The following SPON1 variants were observed in gnomAD, a reference collection of about 807,000 sequenced individuals.
SPON1 encodes the protein spondin-1.
Under a neutral mutation model 111.7 loss-of-function variants are expected in SPON1, and 52 were observed. The observed-to-expected ratio is 0.47, with a 90% confidence interval of 0.37 to 0.59. The LOEUF is 0.59. Among genes scored for constraint, SPON1 ranks in the 20% least tolerant of loss-of-function variants. The pLI is 0.00. For missense variants in SPON1, 957 were observed against 1,068.5 expected (o/e 0.90, Z 1.46); for synonymous variants, 410 against 395.8 (o/e 1.04, Z -0.43).
chr11:14,169,198 C>A (rs1445528852), intron 6 of SPON1, among the ~76,000 whole-genome samples: 2 of 152,218 alleles, frequency 1.3e-5, no homozygotes, highest in Non-Finnish European at 2.9e-5. Context: ...GCCATTCTAA[C>A]TGGTGTGAGA....
chr11:13,991,069 A>G (rs1049239893), intron 2 of SPON1, among the ~76,000 whole-genome samples: 1 of 152,100 alleles, frequency 6.6e-6, no homozygotes, highest in Non-Finnish European at 1.5e-5. Context: ...GCTCTTCTCG[A>G]GGAGTATCTT....
At chr11:14,000,367 C>T (rs1015792543) in intron 2 of SPON1, among the ~76,000 whole-genome samples, 1 of 152,236 alleles carries the variant, frequency 6.6e-6, no homozygotes, top group African/African-American at 2.4e-5. Context: ...ATTTGCCTTC[C>T]TTTATTTTAT....
intron 6 of SPON1, among the ~76,000 whole-genome samples, chr11:14,195,650 G>A (rs1848392655): frequency 1.3e-5 from 2 of 152,164 alleles, no homozygotes; most frequent in South Asian, 2.1e-4. Context: ...GTTTTAGTGG[G>A]CAGTGAACTC....
At chr11:14,052,364 G>A (rs782642296) in intron 3 of SPON1, among the ~76,000 whole-genome samples, 10 of 152,218 alleles carry the variant, frequency 6.6e-5, no homozygotes, top group Non-Finnish European at 1.0e-4. Context: ...GTGTGATTTA[G>A]AGGAAAATGG....
chr11:14,128,738 CTCTGCCCCTGCAGCAGGCT>C (rs782142926), intron 5 of SPON1, among the ~76,000 whole-genome samples: 21 of 152,260 alleles, frequency 1.4e-4, no homozygotes, highest in Non-Finnish European at 2.4e-4. Context: ...TCCATGAGGG[CTCTGCCCCTGCAGCAGGCT>C]TCTGCCTGGA....
intron 2 of SPON1, among the ~76,000 whole-genome samples, chr11:14,004,762 G>T (rs1257688863): frequency 6.6e-6 from 1 of 152,056 alleles, no homozygotes; most frequent in Non-Finnish European, 1.5e-5. Flanking sequence ...GTGAAATGCA[G>T]TTTTTTGTTT....
chr11:14,244,389 G>A (rs907017360), intron 7 of SPON1, among the ~76,000 whole-genome samples: 1 of 151,892 alleles, frequency 6.6e-6, no homozygotes, highest in Non-Finnish European at 1.5e-5. Flanking sequence ...GTGGTGGCAC[G>A]TGTCTGTAAT....
intron 6 of SPON1, among the ~76,000 whole-genome samples, chr11:14,222,663 G>A (rs1848693370): frequency 6.6e-6 from 1 of 152,122 alleles, no homozygotes; most frequent in Admixed American, 6.6e-5. Flanking sequence ...CCATCATCAG[G>A]TCGGAAAAAT....
intron 3 of SPON1, among the ~76,000 whole-genome samples, chr11:14,072,190 A>C (rs1430927640): frequency 6.6e-6 from 1 of 152,082 alleles, no homozygotes; most frequent in East Asian, 1.9e-4. Flanking sequence ...GTAATAATGT[A>C]TATTAAGTGC....
intron 4 of SPON1, among the ~76,000 whole-genome samples, chr11:14,076,208 A>G (rs933594738): frequency 1.3e-5 from 2 of 152,260 alleles, no homozygotes; most frequent in African/African-American, 2.4e-5. Context: ...TGTTTTTAAA[A>G]GTTATTGGAT....
At position 14,060,570 on chromosome 11, in the gene SPON1, G is replaced by A. The variant is rs563205000; in HGVS notation, c.480-14775G>A. On this transcript the variant is annotated intron_variant, in intron 3 of 15. Coordinates refer to ENST00000576479, the MANE Select transcript of SPON1 (RefSeq NM_006108.4). ...GAGATAACCAGGGATTCTTGGCCCT[G>A]GCTGCATATTGGAATCACCTGAGCA... 1.8e-3 allele frequency among the ~76,000 whole-genome samples: 281 copies of A among 152,260 alleles called. 1 individual carries two copies. Among genetic ancestry groups the A allele is most frequent in the Middle Eastern group, 0.017 (5 of 294 alleles).
At chr11:14,156,598 G>A (rs1319423755) in intron 6 of SPON1, among the ~76,000 whole-genome samples, 5 of 151,826 alleles carry the variant, frequency 3.3e-5, no homozygotes, top group African/African-American at 7.3e-5. Flanking sequence ...GTATTGCCTA[G>A]GTTTTCTTCT....
At chr11:14,208,200 T>C (rs1848535578) in intron 6 of SPON1, among the ~76,000 whole-genome samples, 1 of 152,118 alleles carries the variant, frequency 6.6e-6, no homozygotes, top group African/African-American at 2.4e-5. Flanking sequence ...CTGGGGCCTA[T>C]TGGAAGGTGA....
At chr11:14,112,227 A>C (rs1849231964) in intron 5 of SPON1, among the ~76,000 whole-genome samples, 2 of 152,238 alleles carry the variant, frequency 1.3e-5, no homozygotes, top group Admixed American at 6.5e-5. Context: ...CAAACAGCGC[A>C]AAAGCACTCC....
chr11:14,243,508 C>A, intron 7 of SPON1, 112 bp downstream of exon 7: 1 of 881,276 alleles, frequency 1.1e-6, no homozygotes, highest in Non-Finnish European at 1.8e-6. Context: ...CACTACTTCT[C>A]AGTTAACAAG....
intron 6 of SPON1, among the ~76,000 whole-genome samples, chr11:14,180,154 G>C (rs1021290471): frequency 6.6e-6 from 1 of 152,174 alleles, no homozygotes; most frequent in Non-Finnish European, 1.5e-5. Flanking sequence ...TTCCCAGGAT[G>C]TGAGACTTTT....
intron 3 of SPON1, 54 bp from the exon 4 acceptor site, chr11:14,075,291 A>G: frequency 7.0e-7 from 1 of 1,423,828 alleles, no homozygotes; most frequent in South Asian, 1.2e-5. Flanking sequence ...CTGATCTCCC[A>G]AACCTGCCTT....
chr11:14,159,272 C>T (rs1427358008), intron 6 of SPON1, among the ~76,000 whole-genome samples: 3 of 151,828 alleles, frequency 2.0e-5, no homozygotes, highest in Non-Finnish European at 2.9e-5. Context: ...AAAGAAATTA[C>T]GGGAAAGGTG....
At position 14,050,815 on chromosome 11, in the gene SPON1, T is replaced by C. The variant is rs782813467; in HGVS notation, c.479+9161T>C. Among the ~76,000 whole-genome samples, 26 of 152,330 alleles carry C rather than the reference T, an allele frequency of 1.7e-4. No individual in the cohort carries two copies. In the Middle Eastern group the frequency reaches 0.01, roughly 60 times the overall value. ...GGTAAACCGGGGAAGCCACTATCCA[T>C]TGGCCTCCATCCTTCACTAATCAAA... On this transcript the variant is annotated intron_variant, in intron 3 of 15. Coordinates refer to ENST00000576479, the MANE Select transcript of SPON1 (RefSeq NM_006108.4).
Sources: allele counts gnomAD v4.1 joint callset (sites outside exome capture counted in the v4.1 genomes callset), GRCh38; gene constraint gnomAD v4.1.1; transcripts MANE v1.5; gene names NCBI Gene and HGNC (gene_info 2026-07-23, HGNC 2026-07-21).